DHRSX: variants seen among roughly 807,000 people sequenced by gnomAD.
The protein encoded by DHRSX is polyprenol dehydrogenase.
A neutral mutation model predicts 34.0 loss-of-function variants in DHRSX; 31 were observed. The ratio of observed to expected loss-of-function variants is 0.91; its 90% CI spans 0.69 to 1.23. The LOEUF (loss-of-function observed/expected upper bound fraction) is 1.23, where lower values mean the gene tolerates loss of function less well. Ranked by LOEUF, DHRSX falls within the 50% of genes most tolerant of loss-of-function variation. The pLI is 0.00. For missense variants in DHRSX, 414 were observed against 428.1 expected (o/e 0.97, Z 0.29); for synonymous variants, 201 against 183.8 (o/e 1.09, Z -0.76).
intron 3 of DHRSX, among the ~76,000 whole-genome samples, chrX:2,323,063 A>ACAGGCGC (rs2042332467): frequency 3.2e-5 from 2 of 61,690 alleles, no homozygotes; most frequent in South Asian, 7.4e-4. Flanking sequence ...ATCTGGGATT[A>ACAGGCGC]CAGGCGCCAC....
chrX:2,351,242 T>C (rs2042785666), intron 3 of DHRSX, among the ~76,000 whole-genome samples: 1 of 151,918 alleles, frequency 6.6e-6, no homozygotes, highest in African/African-American at 2.4e-5. Flanking sequence ...GAACTTAGAG[T>C]AAAATTAAAA....
intron 2 of DHRSX, among the ~76,000 whole-genome samples, chrX:2,424,096 C>T (rs1356088437): frequency 1.3e-5 from 2 of 151,998 alleles, no homozygotes; most frequent in East Asian, 1.9e-4. Flanking sequence ...GAGTGGGCCC[C>T]GATCTAATTG....
intron 1 of DHRSX, among the ~76,000 whole-genome samples, chrX:2,473,708 A>G (rs1408073234): frequency 1.4e-5 from 2 of 139,860 alleles, no homozygotes; most frequent in Non-Finnish European, 3.0e-5. Flanking sequence ...CCGGAAATGC[A>G]CAGACCACCT....
intron 1 of DHRSX, among the ~76,000 whole-genome samples, chrX:2,452,676 T>G (rs6567489): frequency 0.6 from 90,536 of 151,272 alleles, 28,875 homozygotes; most frequent in African/African-American, 0.83. Context: ...CATTCCCTAA[T>G]AATGTGGCTA....
intron 5 of DHRSX, among the ~76,000 whole-genome samples, chrX:2,251,664 T>TA (rs964927845): frequency 6.6e-5 from 10 of 151,856 alleles, no homozygotes; most frequent in Non-Finnish European, 8.8e-5. Flanking sequence ...CTGCAGAAAG[T>TA]AAAAAAAATG....
chrX:2,288,438 T>C (rs1259674162), intron 4 of DHRSX, among the ~76,000 whole-genome samples: 1 of 152,188 alleles, frequency 6.6e-6, no homozygotes, highest in Non-Finnish European at 1.5e-5. Context: ...TTTCACAATG[T>C]TGTCCACGTT....
chrX:2,307,149 A>T (rs1159345964), intron 3 of DHRSX, among the ~76,000 whole-genome samples: 7 of 152,146 alleles, frequency 4.6e-5, no homozygotes, highest in African/African-American at 1.7e-4. Flanking sequence ...GAATGAAATC[A>T]TGTTTTTAGC....
At chrX:2,312,753 G>A in intron 3 of DHRSX, among the ~76,000 whole-genome samples, 1 of 152,090 alleles carries the variant, frequency 6.6e-6, no homozygotes, top group South Asian at 2.1e-4. Context: ...CTACCCTATG[G>A]AATCCTCTGG....
intron 1 of DHRSX, among the ~76,000 whole-genome samples, chrX:2,431,932 C>T (rs1360565951): frequency 6.6e-6 from 1 of 152,188 alleles, no homozygotes; most frequent in East Asian, 1.9e-4. Flanking sequence ...GTGGCTCACA[C>T]CTGTCATCCC....
chrX:2,360,899 G>A (rs941946064), intron 3 of DHRSX, among the ~76,000 whole-genome samples: 12 of 152,038 alleles, frequency 7.9e-5, no homozygotes, highest in South Asian at 2.1e-4. Context: ...ATACATATCC[G>A]GAGCGAGAAA....
chrX:2,383,644 T>A (rs1025119148), intron 3 of DHRSX, among the ~76,000 whole-genome samples: 1 of 152,178 alleles, frequency 6.6e-6, no homozygotes, highest in Non-Finnish European at 1.5e-5. Flanking sequence ...CAGTACTTTT[T>A]ATATCCCAGT....
At chrX:2,270,448 G>T (rs1439226830) in intron 4 of DHRSX, among the ~76,000 whole-genome samples, 4 of 152,188 alleles carry the variant, frequency 2.6e-5, no homozygotes, top group Non-Finnish European at 5.9e-5. Context: ...AGTGTGAAAA[G>T]AATTTGCAGG....
intron 4 of DHRSX, among the ~76,000 whole-genome samples, chrX:2,276,512 C>A (rs1218778215): frequency 1.3e-5 from 2 of 152,088 alleles, no homozygotes; most frequent in Admixed American, 1.3e-4. Context: ...ATTGATCTGC[C>A]AATTCAAAGG....
At chrX:2,353,222 C>T (rs1331978836) in intron 3 of DHRSX, among the ~76,000 whole-genome samples, 3 of 152,048 alleles carry the variant, frequency 2.0e-5, no homozygotes, top group Non-Finnish European at 2.9e-5. Context: ...TCAGCCTGGG[C>T]GACAGAGCCA....
chrX:2,402,883 CTTTTTTTTTT>C (rs758977585), intron 3 of DHRSX, among the ~76,000 whole-genome samples: 4,872 of 117,748 alleles, frequency 0.041, 159 homozygotes, highest in South Asian at 0.094. Context: ...TAATTGGTTT[CTTTTTTTTTT>C]TTTTTTTTTT....
intron 1 of DHRSX, among the ~76,000 whole-genome samples, chrX:2,434,812 C>A (rs1168324504): frequency 6.6e-6 from 1 of 152,168 alleles, no homozygotes; most frequent in Non-Finnish European, 1.5e-5. Flanking sequence ...TGTTTAGAAT[C>A]AAAAACCATT....
intron 4 of DHRSX, among the ~76,000 whole-genome samples, chrX:2,282,803 GAA>G (rs1351863148): frequency 1.3e-5 from 1 of 75,268 alleles, no homozygotes; most frequent in East Asian, 3.4e-4. Flanking sequence ...AAGAAAGAGA[GAA>G]GAGAGAAAGA....
chrX:2,402,329 G>A (rs1205293357), intron 3 of DHRSX, among the ~76,000 whole-genome samples: 2 of 152,250 alleles, frequency 1.3e-5, no homozygotes, highest in Non-Finnish European at 2.9e-5. Flanking sequence ...AGTTCCAGCA[G>A]GTGCAGGCCA....
intron 6 of DHRSX, among the ~76,000 whole-genome samples, chrX:2,224,597 G>A (rs1205130796): frequency 6.6e-6 from 1 of 152,024 alleles, no homozygotes; most frequent in Non-Finnish European, 1.5e-5. Flanking sequence ...TTTTTTTTCT[G>A]TAAGAAAAAC....
Sources: gnomAD v4.1 joint callset for allele counts (sites outside exome capture counted in the v4.1 genomes callset) on GRCh38, gnomAD v4.1.1 for gene constraint, MANE v1.5 for transcripts, NCBI Gene and HGNC (gene_info 2026-07-23, HGNC 2026-07-21) for gene names.